Variants in ADCY2 observed in about 807,000 individuals in gnomAD.
ADCY2 encodes the protein adenylate cyclase 2.
Under a neutral mutation model 125.2 loss-of-function variants are expected in ADCY2, and 31 were observed. The observed-to-expected ratio is 0.25, with a 90% CI of 0.19 to 0.33. The LOEUF is 0.33. Among genes scored for constraint, ADCY2 ranks in the 10% least tolerant of loss-of-function variants. The pLI, the probability that ADCY2 is intolerant of heterozygous loss-of-function variation, is 1.00. For synonymous variants in ADCY2, 512 were observed against 548.4 expected (o/e 0.93, Z 0.93); for missense variants, 904 against 1,418.2 (o/e 0.64, Z 5.82).
intron 2 of ADCY2, among the ~76,000 whole-genome samples, chr5:7,421,432 C>A (rs1228580032): frequency 6.6e-6 from 1 of 152,200 alleles, no homozygotes. Context: ...CCATCTCTGC[C>A]TCCGTCTTCA....
In ADCY2 at chr5:7,452,252, C is replaced by G. The variant is rs1329291959; in HGVS notation, c.408+37482C>G. On this transcript the variant is annotated intron_variant, in intron 2 of 24. Coordinates refer to ENST00000338316, the MANE Select transcript of ADCY2 (RefSeq NM_020546.3). Reference sequence around the variant, plus strand: ...TTTTAATCCCTCATCCTCCTCCTGCCCTCCCCATTTCTGAGTTTCCAATGT... The same window carrying G: ...TTTTAATCCCTCATCCTCCTCCTGCGCTCCCCATTTCTGAGTTTCCAATGT... 2.0e-5 allele frequency among the ~76,000 whole-genome samples: 3 copies of G among 152,202 alleles called. No individual in the cohort carries two copies. In the East Asian group the frequency reaches 5.8e-4, roughly 29 times the overall value.
intron 3 of ADCY2, among the ~76,000 whole-genome samples, chr5:7,617,756 G>T (rs903236558): frequency 6.6e-6 from 1 of 152,186 alleles, no homozygotes; most frequent in African/African-American, 2.4e-5. Flanking sequence ...CACCAGGAGA[G>T]GAAGGAAGGT....
intron 3 of ADCY2, among the ~76,000 whole-genome samples, chr5:7,536,240 G>A (rs976251090): frequency 6.6e-6 from 1 of 152,214 alleles, no homozygotes; most frequent in African/African-American, 2.4e-5. Flanking sequence ...ACCTTTATGG[G>A]GTGGAAGTCC....
chr5:7,722,292 T>A (rs1741786301), intron 12 of ADCY2, among the ~76,000 whole-genome samples: 1 of 152,208 alleles, frequency 6.6e-6, no homozygotes, highest in African/African-American at 2.4e-5. Context: ...GGGTGCATGC[T>A]GGCCCAACTA....
chr5:7,742,071 G>A (rs1742452967), intron 14 of ADCY2, among the ~76,000 whole-genome samples: 2 of 148,784 alleles, frequency 1.3e-5, no homozygotes, highest in Admixed American at 6.7e-5. Context: ...TCTAAACTCA[G>A]CCTTATGAAT....
At chr5:7,453,233 A>G (rs1233187907) in intron 2 of ADCY2, among the ~76,000 whole-genome samples, 1 of 152,094 alleles carries the variant, frequency 6.6e-6, no homozygotes, top group South Asian at 2.1e-4. Context: ...ATGGTTTCAT[A>G]TTTTAGATTT....
intron 3 of ADCY2, chr5:7,611,211 A>G (rs1036638874): frequency 6.6e-6 from 1 of 152,174 alleles, no homozygotes. Flanking sequence ...GTTTAATTTT[A>G]TATGTGACAT....
intron 2 of ADCY2, among the ~76,000 whole-genome samples, chr5:7,497,352 G>A (rs1323625021): frequency 2.0e-5 from 3 of 152,142 alleles, no homozygotes; most frequent in Admixed American, 2.0e-4. Flanking sequence ...TGGATAGCTG[G>A]AACAGAAATA....
rs115367398 is a variant in ADCY2, at chr5:7,823,284, T to C, written c.3123+2595T>C. On this transcript the variant is annotated intron_variant, in intron 24 of 24. Coordinates refer to ENST00000338316, the MANE Select transcript of ADCY2 (RefSeq NM_020546.3). ...TGGGGAGGAAATATTCCAACCAAAT[T>C]GGCCATTGCCAAGGATCTGCTCACG... Among the ~76,000 whole-genome samples the C allele has an allele frequency of 5.6e-3, 860 of 152,282 alleles. 10 individuals are homozygous for C. Among genetic ancestry groups the C allele is most frequent in the African/African-American group, 0.02 (826 of 41,564 alleles).
chr5:7,455,915 G>A (rs528462542), intron 2 of ADCY2, among the ~76,000 whole-genome samples: 1 of 147,706 alleles, frequency 6.8e-6, no homozygotes, highest in East Asian at 2.0e-4. Flanking sequence ...TAATATATAA[G>A]CTATATAAGT....
Position 7,789,813 on chromosome 5 carries a change from G to T in ADCY2, c.2628+13G>T, listed in dbSNP as rs755975816. On this transcript the variant is annotated intron_variant, in intron 20 of 24. Coordinates refer to ENST00000338316, the MANE Select transcript of ADCY2 (RefSeq NM_020546.3). ...CCTGAAGAATGAGGTCAGACCAGGG[G>T]GGCTGGGGGCTGGGGGAGGGGGCTG... 6.7e-7 allele frequency: 1 copy of T among 1,488,438 alleles called. No individual in the cohort carries two copies. 92.2% of individuals were successfully genotyped at this position (1,488,438 alleles called of 1,614,324 possible).
chr5:7,731,376 C>G (rs899107304), intron 14 of ADCY2, among the ~76,000 whole-genome samples: 1 of 151,322 alleles, frequency 6.6e-6, no homozygotes, highest in South Asian at 2.1e-4. Flanking sequence ...CTGTCTCAGC[C>G]TCCTGAGTAG....
intron 20 of ADCY2, chr5:7,796,543 T>C (rs761919299): frequency 5.3e-5 from 8 of 152,216 alleles, no homozygotes; most frequent in Non-Finnish European, 8.8e-5. Context: ...AAGGTTTTAT[T>C]TCAATGAAGA....
At chr5:7,691,026 A>G (rs1740685361) in intron 5 of ADCY2, 187 bp downstream of exon 5, 1 of 549,540 alleles carries the variant, frequency 1.8e-6, no homozygotes, top group East Asian at 3.6e-5. Flanking sequence ...TCACATTAAG[A>G]TGAGAAAATA....
intron 3 of ADCY2, among the ~76,000 whole-genome samples, chr5:7,552,243 C>T (rs889253120): frequency 2.0e-5 from 3 of 152,130 alleles, no homozygotes; most frequent in African/African-American, 4.8e-5. Context: ...CTTGTTAAGA[C>T]AGTGGAAAAC....
At chr5:7,609,155 T>C (rs759354170) in intron 3 of ADCY2, among the ~76,000 whole-genome samples, 4 of 152,224 alleles carry the variant, frequency 2.6e-5, no homozygotes, top group Non-Finnish European at 4.4e-5. Context: ...AAATTCTTCA[T>C]GTCTCTTCTG....
chr5:7,793,437 C>T (rs1046724242), intron 20 of ADCY2, among the ~76,000 whole-genome samples: 1 of 152,112 alleles, frequency 6.6e-6, no homozygotes, highest in Non-Finnish European at 1.5e-5. Flanking sequence ...GGCAACAGTA[C>T]GAGACACCAT....
At chr5:7,661,618 T>C (rs1465406192) in intron 4 of ADCY2, among the ~76,000 whole-genome samples, 1 of 152,244 alleles carries the variant, frequency 6.6e-6, no homozygotes, top group Non-Finnish European at 1.5e-5. Context: ...TAATACTCAG[T>C]GACCTGGCTT....
chr5:7,737,075 G>A (rs1037918804), intron 14 of ADCY2, among the ~76,000 whole-genome samples: 4 of 152,026 alleles, frequency 2.6e-5, no homozygotes, highest in African/African-American at 9.7e-5. Context: ...TTCTTCCCTA[G>A]GTTTCTACCT....
Sources: gnomAD v4.1 joint callset for allele counts (sites outside exome capture counted in the v4.1 genomes callset) on GRCh38, gnomAD v4.1.1 for gene constraint, MANE v1.5 for transcripts, NCBI Gene and HGNC (gene_info 2026-07-23, HGNC 2026-07-21) for gene names.